The following TACC3 variants were observed in gnomAD, a reference collection of about 807,000 sequenced individuals.
TACC3 encodes the protein transforming acidic coiled-coil-containing protein 3.
TACC3 carries 52 observed loss-of-function variants against 86.0 expected under a neutral mutation model. That is an observed-to-expected ratio of 0.60 (90% CI 0.48 to 0.76). The LOEUF (loss-of-function observed/expected upper bound fraction) is 0.76. Ranked by LOEUF, TACC3 falls within the 30% of genes least tolerant of loss-of-function variation. TACC3 has a pLI of 0.00. For missense variants in TACC3, 1,120 were observed against 1,070.4 expected (o/e 1.05, Z -0.65); for synonymous variants, 512 against 430.0 (o/e 1.19, Z -2.36).
chr4:1,725,629 G>T (rs1247488034), intron 3 of TACC3, among the ~76,000 whole-genome samples: 2 of 152,326 alleles, frequency 1.3e-5, no homozygotes, highest in African/African-American at 2.4e-5. Context: ...TCACCCAGCA[G>T]CCTCCATAGG....
intron 8 of TACC3, among the ~76,000 whole-genome samples, chr4:1,736,439 A>AAC (rs1718268491): frequency 6.6e-6 from 1 of 151,364 alleles, no homozygotes. Flanking sequence ...AAAAAAAAAA[A>AAC]AAAAAACCAA....
intron 13 of TACC3, 50 bp from the exon 14 acceptor site, chr4:1,744,468 C>A (rs1337488376): frequency 6.4e-7 from 1 of 1,551,472 alleles, no homozygotes; most frequent in East Asian, 2.3e-5. Context: ...AGCCTGGGTG[C>A]TCTCCAGCAG....
At chr4:1,733,940 C>T (rs867991435) in intron 6 of TACC3, among the ~76,000 whole-genome samples, 1 of 149,988 alleles carries the variant, frequency 6.7e-6, no homozygotes, top group Non-Finnish European at 1.5e-5. Flanking sequence ...ATGGCGCCAC[C>T]GCACTCCACC....
chr4:1,736,537 G>A (rs191995892), intron 8 of TACC3, among the ~76,000 whole-genome samples: 189 of 151,668 alleles, frequency 1.2e-3, no homozygotes, highest in African/African-American at 4.3e-3. Context: ...AGCCATGCCC[G>A]TTCCTTTGCA....
chr4:1,727,919 A>G lies in TACC3; in HGVS notation c.517A>G (p.Lys173Glu), dbSNP rs1717772595. 1 of 1,613,970 alleles carries G rather than the reference A, an allele frequency of 6.2e-7. No individual in the cohort carries two copies. Among genetic ancestry groups the G allele is most frequent in the Non-Finnish European group, 8.5e-7 (1 of 1,180,024 alleles). Residue 173 changes from lysine to glutamate, a missense_variant, in exon 4 of 16, where the codon AAA (lysine) becomes GAA (glutamate). Physicochemically the swap from Lys to Glu is moderately conservative, Grantham distance 56 (BLOSUM62 1). Transcript: ENST00000313288. The part of the protein sequence containing the change: ...SSENQMVSPG[K>E]VSGSPEQAVE... ...TGAGAACCAAATGGTGTCTCCAGGAAAAGTGTCTGGCAGCCCTGAGCAAGC... is the reference window on the plus strand; with the variant it reads ...TGAGAACCAAATGGTGTCTCCAGGAGAAGTGTCTGGCAGCCCTGAGCAAGC...
chr4:1,735,857 A>AC lies in TACC3; in HGVS notation c.1748+23_1748+24insC. ...CAGGTATGTGCGCCGGCCCTCCCTC[A>AC]TGCATGAAGCCTTGAGTGTGGGAAG... is the stretch of plus-strand genomic sequence containing the variant. On this transcript the variant is annotated intron_variant, in intron 8 of 15. Coordinates refer to ENST00000313288, the MANE Select transcript of TACC3 (RefSeq NM_006342.3). The surrounding 1 kb of genome is among the most constrained non-coding windows in gnomAD (Gnocchi z 4.2). 6.5e-7 allele frequency: 1 copy of AC among 1,534,440 alleles called. No individual in the cohort carries two copies. The highest frequency in any genetic ancestry group is 8.9e-7 in the Non-Finnish European group (1 of 1,121,608).
intron 6 of TACC3, among the ~76,000 whole-genome samples, chr4:1,732,299 C>T (rs1443119910): frequency 1.4e-5 from 2 of 138,360 alleles, no homozygotes; most frequent in African/African-American, 2.6e-5. Context: ...TAAATAAATA[C>T]GGTTTGTCCG....
rs559069345 is a variant in TACC3 at position 1,736,150 on chromosome 4, G to A, written c.1748+316G>A. On this transcript the variant is annotated intron_variant, in intron 8 of 15. Transcript: ENST00000313288. ...TAAAACAGAGGTCGGCAGGCCAGGCGCGGTGGCTTACGCCTGTAATCCCAG... is the reference window on the plus strand; with the variant it reads ...TAAAACAGAGGTCGGCAGGCCAGGCACGGTGGCTTACGCCTGTAATCCCAG... 2.4e-4 allele frequency among the ~76,000 whole-genome samples: 37 copies of A among 152,322 alleles called. No individual in the cohort carries two copies. In the Middle Eastern group the frequency reaches 0.01, roughly 42 times the overall value.
At chr4:1,720,837 T>C (rs1577200630), upstream of TACC3, 1 of 1,573,462 alleles carries the variant, frequency 6.4e-7, no homozygotes, top group East Asian at 2.4e-5. This position sits in a 1 kb window ranked among gnomAD's most constrained non-coding sequence, Gnocchi z 4.4. Context: ...GGGCTGTCCA[T>C]CGCGCAGCCG....
Position 1,735,145 on chromosome 4 carries a change from A to C in TACC3, c.1592-128A>C. ...CAGCAGTCAGGCCCCGAACATCCAC[A>C]CCTCCAAGGGAGGAAATACTGCTGG... On this transcript the variant is annotated intron_variant, in intron 6 of 15. Transcript: ENST00000313288. This position sits in a 1 kb window ranked among gnomAD's most constrained non-coding sequence, Gnocchi z 4.2. 4.6e-6 allele frequency: 6 copies of C among 1,305,702 alleles called. No individual in the cohort carries two copies. Among genetic ancestry groups the C allele is most frequent in the Non-Finnish European group, 6.5e-6 (6 of 928,774 alleles). 80.9% of individuals were successfully genotyped at this position (1,305,702 alleles called of 1,614,324 possible).
intron 6 of TACC3, among the ~76,000 whole-genome samples, chr4:1,733,627 C>A (rs930144704): frequency 6.6e-6 from 1 of 152,066 alleles, no homozygotes; most frequent in African/African-American, 2.4e-5. Context: ...TACTGCACTC[C>A]AGTCTGGGCG....
In TACC3 at chr4:1,728,428, A is replaced by C. The variant is rs529630952; in HGVS notation, c.1026A>C (p.Val342=). ...RSGPVKLEFD[V]SDGATSKRAP... ...GACCTGTAAAACTAGAATTTGATGT[A>C]TCTGATGGCGCCACCAGCAAAAGGG... Residue 342 remains valine, a synonymous_variant, in exon 4 of 16, where the codon GTA becomes GTC. Transcript: ENST00000313288. 1.9e-6 allele frequency: 3 copies of C among 1,613,668 alleles called. No homozygotes were observed. The highest frequency in any genetic ancestry group is 4.5e-5 in the East Asian group (2 of 44,886).
At chr4:1,740,225 G>T in intron 12 of TACC3, 1 of 597,974 alleles carries the variant, frequency 1.7e-6, no homozygotes, top group Non-Finnish European at 3.0e-6. Context: ...GGCTTGGCAG[G>T]CCCCACAGTT....
rs546335444 is a variant in TACC3, at chr4:1,723,356, G to A, written c.-1-65G>A. On this transcript the variant is annotated intron_variant, in intron 1 of 15. Coordinates refer to ENST00000313288, the MANE Select transcript of TACC3 (RefSeq NM_006342.3). ...TCGTGCCCCTTGCAGCAGCTGTCAC[G>A]TCTGTGTCTGGACAATGTGGTAGTG... 299 of 1,548,968 alleles carry A rather than the reference G, an allele frequency of 1.9e-4. 2 individuals are homozygous for A. In the African/African-American group the frequency reaches 3.1e-3, roughly 16 times the overall value.
Position 1,733,087 on chromosome 4 carries a change from G to C in TACC3, c.1591+1786G>C, listed in dbSNP as rs932956947. On this transcript the variant is annotated intron_variant, in intron 6 of 15. Transcript: ENST00000313288. The stretch of plus-strand genomic sequence containing the variant: ...CTCCAGTTTCTCCACATCCTCGCCA[G>C]CGCTGCTTGTCTGTCTTGTTGATCC... Among the ~76,000 whole-genome samples, 11 of 152,256 alleles carry C rather than the reference G, an allele frequency of 7.2e-5. 1 individual carries two copies. In the South Asian group the frequency reaches 1.2e-3, roughly 17 times the overall value.
chr4:1,723,488 C>G lies in TACC3; in HGVS notation c.67C>G (p.Leu23Val). The G allele has an allele frequency of 2.5e-6, 4 of 1,613,740 alleles. No individual in the cohort carries two copies. The highest frequency in any genetic ancestry group is 2.5e-6 in the Non-Finnish European group (3 of 1,179,988). ...NEKNTENCDF[L>V]FSPPEVTGRS... is the part of the protein sequence containing the mutation. ...AAAAAATACAGAAAATTGCGACTTC[C>G]TGTTTTCGCCACCAGAAGTTACCGG... Residue 23 changes from leucine to valine, a missense_variant, in exon 2 of 16, where the codon CTG becomes GTG. Physicochemically the swap from Leu to Val is conservative, Grantham distance 32 (BLOSUM62 1). Transcript: ENST00000313288.
chr4:1,744,886 C>T lies in TACC3; in HGVS notation c.2451+54C>T, dbSNP rs1718773214. ...CCGTCTGGCAGCACCTTCTAGAAGG[C>T]CCTTGGGCCTGCTGCTCCCTCCAAG... On this transcript the variant is annotated intron_variant, in intron 15 of 15. Transcript: ENST00000313288. The T allele has an allele frequency of 5.0e-6, 8 of 1,612,164 alleles. No individual in the cohort carries two copies. The East Asian group carries it at 8.9e-5, about 18-fold the overall frequency.
In TACC3 at chr4:1,737,295, G is replaced by T; in HGVS notation, c.1803G>T (p.Val601=). The T allele has an allele frequency of 6.2e-7, 1 of 1,614,156 alleles. No homozygotes were observed. The highest frequency in any genetic ancestry group is 8.5e-7 in the Non-Finnish European group (1 of 1,180,030). ...GACGTCCGCGGGAAGCCAAGCTTGTGGAGTTCGATTTCTTGGGAGCACTGG... is the reference window on the plus strand; with the variant it reads ...GACGTCCGCGGGAAGCCAAGCTTGTTGAGTTCGATTTCTTGGGAGCACTGG... ...PSGRPREAKL[V]EFDFLGALDI... Residue 601 remains valine, a synonymous_variant, in exon 9 of 16, where the codon GTG becomes GTT. Transcript: ENST00000313288.
Position 1,729,898 on chromosome 4 carries a change from G to A in TACC3, c.1386-989G>A, listed in dbSNP as rs564201610. Among the ~76,000 whole-genome samples, 5 of 152,346 alleles carry A rather than the reference G, an allele frequency of 3.3e-5. No homozygotes were observed. The East Asian group carries it at 9.6e-4, about 29-fold the overall frequency. ...GGTAACGGGTGCCTTCCCAAGTGCT[G>A]GTGTTACCGCTAGACCAGGGAGCCC... is the stretch of plus-strand genomic sequence containing the variant. On this transcript the variant is annotated intron_variant, in intron 4 of 15. Coordinates refer to ENST00000313288, the MANE Select transcript of TACC3 (RefSeq NM_006342.3).
Sources: allele counts gnomAD v4.1 joint callset (sites outside exome capture counted in the v4.1 genomes callset), GRCh38; gene constraint gnomAD v4.1.1; non-coding constraint Gnocchi (gnomAD v3.1); transcripts MANE v1.5; gene names NCBI Gene and HGNC (gene_info 2026-07-23, HGNC 2026-07-21).